Variants in GUCY1A2 observed in about 807,000 individuals in gnomAD.
The protein encoded by GUCY1A2 is guanylate cyclase soluble subunit alpha-2.
A neutral mutation model predicts 63.5 loss-of-function variants in GUCY1A2; 27 were observed. The observed-to-expected ratio is 0.43, with a 90% CI of 0.31 to 0.59. GUCY1A2 has a LOEUF of 0.59. Among genes scored for constraint, GUCY1A2 ranks in the 20% least tolerant of loss-of-function variants. The pLI is 0.11. For missense variants in GUCY1A2, 768 were observed against 913.3 expected (o/e 0.84, Z 2.05); for synonymous variants, 364 against 343.5 (o/e 1.06, Z -0.66).
chr11:106,816,207 A>G (rs533659798), intron 4 of GUCY1A2, among the ~76,000 whole-genome samples: 112 of 151,172 alleles, frequency 7.4e-4, no homozygotes, highest in African/African-American at 2.4e-3. Flanking sequence ...AGATCATGGA[A>G]CATATACCGA....
At chr11:106,993,614 C>G (rs1861498785) in intron 1 of GUCY1A2, among the ~76,000 whole-genome samples, 1 of 151,944 alleles carries the variant, frequency 6.6e-6, no homozygotes, top group Non-Finnish European at 1.5e-5. Context: ...TGCTACTGAC[C>G]TTTTTTTAAA....
Position 107,017,896 on chromosome 11 carries a change from C to T in GUCY1A2, c.160G>A (p.Ala54Thr), listed in dbSNP as rs746261199. 3 of 1,248,692 alleles carry T rather than the reference C, an allele frequency of 2.4e-6. No individual in the cohort carries two copies. Among genetic ancestry groups the T allele is most frequent in the Non-Finnish European group, 3.0e-6 (3 of 993,774 alleles). 77.4% of individuals were successfully genotyped at this position (1,248,692 alleles called of 1,614,324 possible). A position where few individuals can be genotyped will look rare whatever the true frequency, so the allele number is the denominator to read the frequency against. Residue 54 changes from alanine to threonine, a missense_variant, in exon 1 of 8, where the codon GCC becomes ACC. Ala to Thr is a moderately conservative substitution (Grantham distance 58). Coordinates refer to ENST00000526355, the MANE Select transcript of GUCY1A2 (RefSeq NM_000855.3). ...GTCGGGGCCGGGGCGGCGGCAGCGG[C>T]AGCTGCGGCCGGGCTGGGCTCCAGC... ...GPLEPSPAAA[A>T]AAAAPAPTPA... is the part of the protein sequence containing the mutation.
chr11:106,952,637 G>A (rs1395904545), intron 3 of GUCY1A2, among the ~76,000 whole-genome samples: 1 of 149,200 alleles, frequency 6.7e-6, no homozygotes, highest in Non-Finnish European at 1.5e-5. Context: ...GAAGTTTGTG[G>A]GCTGAGATGA....
chr11:106,730,090 A>G (rs903557389), intron 6 of GUCY1A2, among the ~76,000 whole-genome samples: 197 of 121,424 alleles, frequency 1.6e-3, no homozygotes, highest in Non-Finnish European at 2.7e-3. Context: ...ATATATATAT[A>G]TATATTATAG....
In GUCY1A2 at chr11:106,943,255, G is replaced by A. The variant is rs115704113; in HGVS notation, c.488-3077C>T. Among the ~76,000 whole-genome samples the A allele has an allele frequency of 8.4e-3, 1,283 of 152,216 alleles. 11 individuals are homozygous for A. Among genetic ancestry groups the A allele is most frequent in the African/African-American group, 0.029 (1,190 of 41,536 alleles). On this transcript the variant is annotated intron_variant, in intron 3 of 7. Transcript: ENST00000526355. ...TTCTGACTCCCAAAGTTCCGCCTAC[G>A]ATTGACGCAAACCCCCTACTTACAG...
intron 4 of GUCY1A2, among the ~76,000 whole-genome samples, chr11:106,914,854 G>A (rs1860347923): frequency 6.6e-6 from 1 of 152,002 alleles, no homozygotes; most frequent in Admixed American, 6.6e-5. Flanking sequence ...GACCTTGTAA[G>A]TTGTCACTCC....
chr11:106,764,668 A>AAG (rs967117607), intron 6 of GUCY1A2, among the ~76,000 whole-genome samples: 1 of 152,074 alleles, frequency 6.6e-6, no homozygotes, highest in Non-Finnish European at 1.5e-5. Flanking sequence ...GAGGACATGT[A>AAG]AGAGAGAGAG....
At chr11:106,914,004 GA>G (rs1860333590) in intron 4 of GUCY1A2, among the ~76,000 whole-genome samples, 1 of 133,674 alleles carries the variant, frequency 7.5e-6, no homozygotes, top group South Asian at 2.4e-4. Context: ...AAAAAAAAAA[GA>G]AAGAAAGAAA....
intron 1 of GUCY1A2, among the ~76,000 whole-genome samples, chr11:107,005,000 C>A (rs1033891923): frequency 2.6e-5 from 4 of 152,166 alleles, no homozygotes; most frequent in African/African-American, 9.7e-5. Context: ...TAAGGCATCA[C>A]CCCTGCATTA....
intron 3 of GUCY1A2, among the ~76,000 whole-genome samples, chr11:106,954,539 C>A (rs1860955734): frequency 6.6e-6 from 1 of 152,188 alleles, no homozygotes; most frequent in Non-Finnish European, 1.5e-5. Context: ...TGATCCAGAG[C>A]TGAGTTCAAC....
At chr11:106,813,312 C>T (rs777784007) in intron 4 of GUCY1A2, among the ~76,000 whole-genome samples, 1 of 151,928 alleles carries the variant, frequency 6.6e-6, no homozygotes, top group Non-Finnish European at 1.5e-5. Context: ...ATCATACTAT[C>T]ACAAACCTTG....
intron 4 of GUCY1A2, chr11:106,827,840 G>A (rs1321137061): frequency 1.3e-6 from 2 of 1,599,932 alleles, no homozygotes; most frequent in South Asian, 2.2e-5. Flanking sequence ...CGATGCCGCC[G>A]CCGACCACCA....
intron 6 of GUCY1A2, among the ~76,000 whole-genome samples, chr11:106,721,311 G>A (rs1329599822): frequency 1.3e-5 from 2 of 151,962 alleles, no homozygotes; most frequent in South Asian, 2.1e-4. Context: ...TGCCTGCCTC[G>A]GCCTCCCAAA....
chr11:106,799,495 A>G (rs1234233812), intron 5 of GUCY1A2, among the ~76,000 whole-genome samples: 1 of 152,204 alleles, frequency 6.6e-6, no homozygotes, highest in African/African-American at 2.4e-5. Flanking sequence ...AAACTATATT[A>G]CAAGGTGACA....
At position 106,840,385 on chromosome 11, in the gene GUCY1A2, A is replaced by G. The variant is rs576920918; in HGVS notation, c.1207-29907T>C. On this transcript the variant is annotated intron_variant, in intron 4 of 7. Coordinates refer to ENST00000526355, the MANE Select transcript of GUCY1A2 (RefSeq NM_000855.3). ...ACAATACATGTTTGTATGAAATGATACCATCTGCATAAACGCTTCTAGCTC... is the reference window on the plus strand; with the variant it reads ...ACAATACATGTTTGTATGAAATGATGCCATCTGCATAAACGCTTCTAGCTC... 9.2e-5 allele frequency among the ~76,000 whole-genome samples: 14 copies of G among 152,058 alleles called. No individual in the cohort carries two copies. The East Asian group carries it at 2.7e-3, about 30-fold the overall frequency.
In GUCY1A2 at chr11:106,709,651, AG is replaced by A. The variant is rs1277859820; in HGVS notation, c.1837-986del. ...TATTATATACACGTATAGAATATAT[AG>A]TTATATACACGTATAGAATATATAG... On this transcript the variant is annotated intron_variant, in intron 6 of 7. Transcript: ENST00000526355. Among the ~76,000 whole-genome samples, 5 of 71,574 alleles carry A rather than the reference AG, an allele frequency of 7.0e-5. 1 individual carries two copies. The highest frequency in any genetic ancestry group is 6.0e-4 in the East Asian group (2 of 3,336). 47.0% of individuals were successfully genotyped at this position (71,574 alleles called of 152,430 possible).
intron 7 of GUCY1A2, among the ~76,000 whole-genome samples, chr11:106,698,024 C>T (rs1434164692): frequency 2.0e-5 from 3 of 151,676 alleles, no homozygotes; most frequent in African/African-American, 7.3e-5. Flanking sequence ...CATGTTGTTT[C>T]CAGGCTCAAA....
intron 2 of GUCY1A2, among the ~76,000 whole-genome samples, chr11:106,979,109 G>A (rs949723203): frequency 6.6e-6 from 1 of 152,158 alleles, no homozygotes; most frequent in Non-Finnish European, 1.5e-5. Context: ...TGGTGTCCTG[G>A]CATTCAATGG....
intron 4 of GUCY1A2, among the ~76,000 whole-genome samples, chr11:106,840,300 A>C (rs955023350): frequency 2.0e-5 from 3 of 151,940 alleles, no homozygotes; most frequent in African/African-American, 7.2e-5. Flanking sequence ...AATAACATGG[A>C]GAAACATATG....
Sources: gnomAD v4.1 joint callset for allele counts (sites outside exome capture counted in the v4.1 genomes callset) on GRCh38, gnomAD v4.1.1 for gene constraint, MANE v1.5 for transcripts, NCBI Gene and HGNC (gene_info 2026-07-23, HGNC 2026-07-21) for gene names.